Variants in SIGLEC1 observed in about 807,000 individuals in gnomAD.
SIGLEC1 encodes sialic acid binding Ig like lectin 1, also known as sialoadhesin.
In SIGLEC1, 132 loss-of-function variants were observed where a neutral mutation model predicts 148.0. That is an observed-to-expected ratio of 0.89 (90% CI 0.77 to 1.03). The LOEUF is 1.03. Ranked by LOEUF, SIGLEC1 falls within the 50% of genes least tolerant of loss-of-function variation. The pLI is 0.00. For synonymous variants in SIGLEC1, 945 were observed against 969.0 expected (o/e 0.98, Z 0.46); for missense variants, 2,253 against 2,271.4 (o/e 0.99, Z 0.16).
Position 3,694,454 on chromosome 20 carries a change from T to A in SIGLEC1, c.3023A>T (p.Asp1008Val). 6.2e-7 allele frequency: 1 copy of A among 1,608,452 alleles called. No homozygotes were observed. The highest frequency in any genetic ancestry group is 8.5e-7 in the Non-Finnish European group (1 of 1,176,608). Residue 1008 changes from aspartate (D) to valine (V), a missense_variant, in exon 13 of 22, where the codon GAC becomes GTC. Transcript: ENST00000344754. ...GRLGLLLCRV[D>V]SDPPAQLRLL... ...CCGCAGCTGGGCCGGAGGGTCACTG[T>A]CCACACGGCACAGGAGGAGGCCCAG... is the stretch of plus-strand genomic sequence containing the variant.
At position 3,687,476 on chromosome 20, in the gene SIGLEC1, G is replaced by C. The variant is rs2088710764; in HGVS notation, c.*1084C>G. On this transcript the variant is annotated 3_prime_UTR_variant, in exon 22 of 22. Transcript: ENST00000344754. The stretch of plus-strand genomic sequence containing the variant: ...CCCAGTCCCTGGGGGTAGGGGGGGT[G>C]GTGGTGGGAATGAGGGCATCTCTTC... The C allele has an allele frequency of 6.6e-6, 1 of 152,226 alleles. No homozygotes were observed. The highest frequency in any genetic ancestry group is 1.5e-5 in the Non-Finnish European group (1 of 68,078). The allele number at this position is 152,226 out of a possible 1,614,324, so 9.4% of individuals were successfully genotyped here.
intron 9 of SIGLEC1, 66 bp downstream of exon 9, chr20:3,697,732 C>A: frequency 6.7e-7 from 1 of 1,486,906 alleles, no homozygotes; most frequent in Non-Finnish European, 9.2e-7. Context: ...TTAGATCCTC[C>A]TCGGAGCAGA....
Position 3,688,368 on chromosome 20 carries a change from T to C in SIGLEC1, c.*192A>G. The C allele has an allele frequency of 1.6e-6, 1 of 641,084 alleles. No individual in the cohort carries two copies. The highest frequency in any genetic ancestry group is 2.1e-5 in the Admixed American group (1 of 46,944). 39.7% of individuals were successfully genotyped at this position (641,084 alleles called of 1,614,324 possible). On this transcript the variant is annotated 3_prime_UTR_variant, in exon 22 of 22. Coordinates refer to ENST00000344754, the MANE Select transcript of SIGLEC1 (RefSeq NM_023068.4). ...TCAGTGTCCTCCAGGGTCAACACCC[T>C]CCTGGGCAGACCTCTCACCACCCAT...
chr20:3,692,563 G>T lies in SIGLEC1; in HGVS notation c.3988C>A (p.Gln1330Lys). The change falls in exon 16 of 22, where the codon CAG becomes AAG. Residue 1330 changes from glutamine to lysine, a missense_variant. Transcript: ENST00000344754. ...GCAGGACGGGAGCTGCGGGTGCCCT[G>T]GGCATCCTGGGCCTGGCAAGAGTAG... is the stretch of plus-strand genomic sequence containing the variant. The part of the protein sequence containing the change: ...GAYSCQAQDA[Q>K]GTRSSRPAAL... 1 of 1,608,820 alleles carries T rather than the reference G, an allele frequency of 6.2e-7. No individual in the cohort carries two copies.
Position 3,704,215 on chromosome 20 carries a change from C to T in SIGLEC1, c.707-124G>A, listed in dbSNP as rs1195781799. 7 of 893,986 alleles carry T rather than the reference C, an allele frequency of 7.8e-6. No homozygotes were observed. In the South Asian group the frequency reaches 8.1e-5, roughly 10 times the overall value. The allele number at this position is 893,986 out of a possible 1,614,324, so 55.4% of individuals were successfully genotyped here. A position where few individuals can be genotyped will look rare whatever the true frequency, so the allele number is the denominator to read the frequency against. On this transcript the variant is annotated intron_variant, in intron 4 of 21. Transcript: ENST00000344754. ...GTATGCCCAGATAAAACAGCAGTCC[C>T]CTTCAATCCTCACCCAGGGCATGCT...
At position 3,689,945 on chromosome 20, in the gene SIGLEC1, G is replaced by A. The variant is rs764161452; in HGVS notation, c.4894+17C>T. ...TTTGTGCAGAGTGGCCTGGGAGATG[G>A]AGCCCCCTCCCCTCACCTCTGACCC... On this transcript the variant is annotated intron_variant, in intron 19 of 21. Coordinates refer to ENST00000344754, the MANE Select transcript of SIGLEC1 (RefSeq NM_023068.4). The A allele has an allele frequency of 4.6e-5, 74 of 1,601,698 alleles. No individual in the cohort carries two copies. Among genetic ancestry groups the A allele is most frequent in the Non-Finnish European group, 2.3e-5 (27 of 1,172,464 alleles).
intron 11 of SIGLEC1, 54 bp downstream of exon 11, chr20:3,696,532 G>T: frequency 3.3e-6 from 5 of 1,508,462 alleles, no homozygotes; most frequent in Non-Finnish European, 4.5e-6. Flanking sequence ...AGTCTGACCA[G>T]AGTAGTCCCC....
intron 19 of SIGLEC1, 77 bp from the exon 20 acceptor site, chr20:3,689,779 ATG>A (rs2146516933): frequency 7.4e-7 from 1 of 1,357,592 alleles, no homozygotes; most frequent in East Asian, 2.5e-5. Flanking sequence ...CCCACCCAAG[ATG>A]ACACCTTCTA....
rs1486118756 is a variant in SIGLEC1, at chr20:3,692,129, A to G, written c.4104T>C (p.Thr1368=). ...GCTCAGCAGGTGGCTCACTGTCCAC[A>G]GTGCACTGTATCACAGCCATGGATC... ...RARSMAVIQC[T]VDSEPPAELA... Residue 1368 remains threonine (T), a synonymous_variant, in exon 17 of 22, where the codon ACT becomes ACC. Coordinates refer to ENST00000344754, the MANE Select transcript of SIGLEC1 (RefSeq NM_023068.4). 2 of 1,602,836 alleles carry G rather than the reference A, an allele frequency of 1.2e-6. No homozygotes were observed. Among genetic ancestry groups the G allele is most frequent in the Non-Finnish European group, 1.7e-6 (2 of 1,176,028 alleles).
At position 3,698,026 on chromosome 20, in the gene SIGLEC1, C is replaced by T. The variant is rs765926627; in HGVS notation, c.1894G>A (p.Ala632Thr). 9 of 1,608,796 alleles carry T rather than the reference C, an allele frequency of 5.6e-6. No homozygotes were observed. Among genetic ancestry groups the T allele is most frequent in the African/African-American group, 1.3e-5 (1 of 74,698 alleles). ...LLCRVDSDPP[A>T]RLQLLHKDRV... ...TCCTTGTGGAGCAGCTGCAGCCTGG[C>T]GGGGGGGTCGCTGTCCACACGGCAC... Residue 632 changes from alanine (A) to threonine (T), a missense_variant, in exon 9 of 22, where the codon GCC becomes ACC. Coordinates refer to ENST00000344754, the MANE Select transcript of SIGLEC1 (RefSeq NM_023068.4).
chr20:3,696,396 G>A (rs905159381), intron 11 of SIGLEC1, among the ~76,000 whole-genome samples, 190 bp downstream of exon 11: 10 of 152,140 alleles, frequency 6.6e-5, no homozygotes, highest in Admixed American at 4.6e-4. Context: ...CCTAGTGGCT[G>A]CTGCAGTTAT....
Position 3,694,294 on chromosome 20 carries a change from A to AT in SIGLEC1, c.3182dup (p.Asp1061GlufsTer2), listed in dbSNP as rs758137006. Reference sequence around the variant, plus strand: ...AGGCCTCACAGATATAGACACCCTCATCCTCCAGCATAGCCCCGTGGATCT... The same window carrying AT: ...AGGCCTCACAGATATAGACACCCTCATTCCTCCAGCATAGCCCCGTGGATCT... On this transcript the variant is annotated frameshift_variant, in exon 13 of 22. Coordinates refer to ENST00000344754, the MANE Select transcript of SIGLEC1 (RefSeq NM_023068.4). LOFTEE classifies it high-confidence loss of function. The AT allele has an allele frequency of 1.2e-6, 2 of 1,612,962 alleles. No individual in the cohort carries two copies. Among genetic ancestry groups the AT allele is most frequent in the East Asian group, 4.5e-5 (2 of 44,870 alleles).
At chr20:3,711,142 T>C (rs1253995558) in intron 1 of SIGLEC1, among the ~76,000 whole-genome samples, 1 of 152,222 alleles carries the variant, frequency 6.6e-6, no homozygotes, top group African/African-American at 2.4e-5. Flanking sequence ...AGCAGGCAGC[T>C]CTGCAGCCCT....
Position 3,703,133 on chromosome 20 carries a change from T to C in SIGLEC1, c.1228+64A>G, listed in dbSNP as rs778053507. The stretch of plus-strand genomic sequence containing the variant: ...CCATGCCCAGGACCCCAACCCTTCC[T>C]TGGGGCTCCACCATCTGGTCCTGCT... On this transcript the variant is annotated intron_variant, in intron 6 of 21. Coordinates refer to ENST00000344754, the MANE Select transcript of SIGLEC1 (RefSeq NM_023068.4). The C allele has an allele frequency of 7.5e-6, 12 of 1,604,040 alleles. No homozygotes were observed. The African/African-American group carries it at 1.1e-4, about 14-fold the overall frequency.
Position 3,691,474 on chromosome 20 carries a change from C to T in SIGLEC1, c.4457G>A (p.Arg1486Gln), listed in dbSNP as rs759482427. The T allele has an allele frequency of 1.1e-5, 18 of 1,613,474 alleles. No individual in the cohort carries two copies. The highest frequency in any genetic ancestry group is 1.6e-4 in the Middle Eastern group (1 of 6,062). The part of the protein sequence containing the change: ...NSTFAWFWND[R>Q]RLHAEPVPTL... The stretch of plus-strand genomic sequence containing the variant: ...GGGCACAGGCTCCGCGTGCAGCCGC[C>T]GGTCATTCCAGAACCATGCAAAGGT... Residue 1486 changes from arginine to glutamine, a missense_variant, in exon 18 of 22, where the codon CGG (arginine) becomes CAG (glutamine). Physicochemically the swap from Arg to Gln is conservative, Grantham distance 43. Transcript: ENST00000344754.
rs1365456385 is a variant in SIGLEC1, at chr20:3,695,015, C to T, written c.2684-92G>A. On this transcript the variant is annotated intron_variant, in intron 11 of 21. Transcript: ENST00000344754. ...CGTGTCCACCTAGGACTACACAACC[C>T]AACCCCATGTGCTGGAGCCGCAGCC... The T allele has an allele frequency of 7.4e-6, 10 of 1,352,674 alleles. No individual in the cohort carries two copies. The East Asian group carries it at 2.1e-4, about 29-fold the overall frequency. 83.8% of individuals were successfully genotyped at this position (1,352,674 alleles called of 1,614,324 possible). A position where few individuals can be genotyped will look rare whatever the true frequency, so the allele number is the denominator to read the frequency against.
In SIGLEC1 at chr20:3,691,599, A is replaced by G; in HGVS notation, c.4332T>C (p.Gly1444=). The G allele has an allele frequency of 6.2e-7, 1 of 1,611,202 alleles. No homozygotes were observed. Among genetic ancestry groups the G allele is most frequent in the Non-Finnish European group, 8.5e-7 (1 of 1,179,098 alleles). The part of the protein sequence containing the change: ...ISTIGRLQVE[G]ARVVAEPGLD... Reference sequence around the variant, plus strand: ...GGCCAGGCTCTGCCACCACGCGTGCACCTGCGGGCGGAGGATAGAGAGATG... The same window carrying G: ...GGCCAGGCTCTGCCACCACGCGTGCGCCTGCGGGCGGAGGATAGAGAGATG... The change falls in exon 18 of 22, where the codon GGT becomes GGC. Residue 1444 remains glycine (G), a splice_region_variant and synonymous_variant. Coordinates refer to ENST00000344754, the MANE Select transcript of SIGLEC1 (RefSeq NM_023068.4).
chr20:3,694,961 C>G (rs2088808443), intron 11 of SIGLEC1, 38 bp from the exon 12 acceptor site: 1 of 1,586,032 alleles, frequency 6.3e-7, no homozygotes, highest in East Asian at 2.2e-5. Flanking sequence ...GGGCTCTCCA[C>G]CACACCTCTC....
intron 17 of SIGLEC1, 100 bp downstream of exon 17, chr20:3,691,803 C>T (rs2088766481): frequency 7.0e-7 from 1 of 1,431,352 alleles, no homozygotes; most frequent in Non-Finnish European, 9.5e-7. Context: ...GCAGAGCTTT[C>T]TCAGACCAGA....
Sources: gnomAD v4.1 joint callset for allele counts (sites outside exome capture counted in the v4.1 genomes callset) on GRCh38, gnomAD v4.1.1 for gene constraint, MANE v1.5 for transcripts, NCBI Gene and HGNC (gene_info 2026-07-23, HGNC 2026-07-21) for gene names.